PRDM16: variants seen among roughly 807,000 people sequenced by gnomAD.
The protein encoded by PRDM16 is PR/SET domain 16.
A neutral mutation model predicts 110.6 loss-of-function variants in PRDM16; 23 were observed. The ratio of observed to expected loss-of-function variants is 0.21; its 90% CI spans 0.15 to 0.29. The LOEUF (loss-of-function observed/expected upper bound fraction) is 0.29, where lower values mean the gene tolerates loss of function less well. Ranked by LOEUF, PRDM16 falls within the 10% of genes least tolerant of loss-of-function variation. The probability of loss-of-function intolerance (pLI) is 1.00; values close to 1 mark genes in which losing one functional copy is unlikely to be tolerated. For missense variants in PRDM16, 1,615 were observed against 1,794.3 expected (o/e 0.90, Z 1.81); for synonymous variants, 799 against 781.8 (o/e 1.02, Z -0.37).
At chr1:3,203,654 G>A (rs1219057117) in intron 2 of PRDM16, among the ~76,000 whole-genome samples, 3 of 152,178 alleles carry the variant, frequency 2.0e-5, no homozygotes, top group Non-Finnish European at 4.4e-5. Flanking sequence ...GAGGCCTCTG[G>A]CTTTATCTTC....
chr1:3,407,267 G>A (rs1204013009), intron 8 of PRDM16, among the ~76,000 whole-genome samples: 1 of 152,208 alleles, frequency 6.6e-6, no homozygotes, highest in Admixed American at 6.5e-5. Context: ...CCAAGCCCCA[G>A]CGTCCAGCCG....
At chr1:3,379,315 C>A (rs1569619598) in intron 3 of PRDM16, among the ~76,000 whole-genome samples, 1 of 14,644 alleles carries the variant, frequency 6.8e-5, no homozygotes. Context: ...CCCCTCCCAA[C>A]ACACCCCTCC....
chr1:3,331,522 A>G (rs1262766636), intron 3 of PRDM16, among the ~76,000 whole-genome samples: 1 of 152,198 alleles, frequency 6.6e-6, no homozygotes, highest in Non-Finnish European at 1.5e-5. Context: ...AGTAACTACT[A>G]CAAAGGGACA....
chr1:3,350,572 G>T lies in PRDM16; in HGVS notation c.439-34580G>T, dbSNP rs1211816408. Among the ~76,000 whole-genome samples the T allele has an allele frequency of 6.6e-6, 1 of 152,158 alleles. No individual in the cohort carries two copies. The highest frequency in any genetic ancestry group is 1.5e-5 in the Non-Finnish European group (1 of 68,024). On this transcript the variant is annotated intron_variant, in intron 3 of 16. Transcript: ENST00000270722. This position sits in a 1 kb window ranked among gnomAD's most constrained non-coding sequence, Gnocchi z 7.1. Reference sequence around the variant, plus strand: ...AGGACAAGGGGAGGGGACCAGGGTGGCAGGCAGCTGTGGGCGGGTGGAAAG... The same window carrying T: ...AGGACAAGGGGAGGGGACCAGGGTGTCAGGCAGCTGTGGGCGGGTGGAAAG...
intron 1 of PRDM16, among the ~76,000 whole-genome samples, chr1:3,136,262 T>G (rs1643436106): frequency 6.6e-6 from 1 of 152,182 alleles, no homozygotes; most frequent in African/African-American, 2.4e-5. Context: ...ACTTCCCAGC[T>G]GGCCAGCCCC....
intron 5 of PRDM16, among the ~76,000 whole-genome samples, chr1:3,396,862 C>T (rs1019633770): frequency 7.2e-5 from 11 of 152,214 alleles, no homozygotes; most frequent in Admixed American, 5.2e-4. Flanking sequence ...AGAAGGGCTT[C>T]GGGCAGTGGG....
In PRDM16 at chr1:3,186,375, G is replaced by C. The variant is rs752047886; in HGVS notation, c.288G>C (p.Leu96=). The change falls in exon 2 of 17, where the codon CTG becomes CTC. Residue 96 remains leucine, a synonymous_variant. Coordinates refer to ENST00000270722, the MANE Select transcript of PRDM16 (RefSeq NM_022114.4). Reference sequence around the variant, plus strand: ...AGTCCTCCATCCCAGGGGCTGGCCTGGGGGTCTGGGCCAAGAGGAAGATGG... The same window carrying C: ...AGTCCTCCATCCCAGGGGCTGGCCTCGGGGTCTGGGCCAAGAGGAAGATGG... ...LRESSIPGAG[L]GVWAKRKMEA... The C allele has an allele frequency of 6.2e-7, 1 of 1,611,180 alleles. No individual in the cohort carries two copies. Among genetic ancestry groups the C allele is most frequent in the Admixed American group, 1.7e-5 (1 of 59,812 alleles).
At position 3,437,302 on chromosome 1, in the gene PRDM16, G is replaced by A. The variant is rs74048477; in HGVS notation, c.*3491G>A. On this transcript the variant is annotated 3_prime_UTR_variant, in exon 17 of 17. Transcript: ENST00000270722. ...CCCTGGAAATTCCAAGGGCCCTGGC[G>A]TCCTCTGCCTTCCCCGCTTCCCCAT... 475 of 232,944 alleles carry A rather than the reference G, an allele frequency of 2.0e-3. 3 individuals carry two copies. The highest frequency in any genetic ancestry group is 9.5e-3 in the African/African-American group (431 of 45,416). The allele number at this position is 232,944 out of a possible 1,614,324, so 14.4% of individuals were successfully genotyped here. A position where few individuals can be genotyped will look rare whatever the true frequency, so the allele number is the denominator to read the frequency against.
intron 3 of PRDM16, among the ~76,000 whole-genome samples, chr1:3,273,368 C>T (rs1448615681): frequency 6.6e-6 from 1 of 152,302 alleles, no homozygotes; most frequent in East Asian, 1.9e-4. Context: ...CTCTTATGAT[C>T]CTACCCATGG....
rs548432754 is a variant in PRDM16 at position 3,438,154 on chromosome 1, C to T, written c.*4343C>T. On this transcript the variant is annotated 3_prime_UTR_variant, in exon 17 of 17. Transcript: ENST00000270722. ...AAGGAGGCTGGCGCTCGCCCCATGT[C>T]CCCCTTGATTGTAAATTGCTTCTGT... 1 of 205,774 alleles carries T rather than the reference C, an allele frequency of 4.9e-6. No homozygotes were observed. The highest frequency in any genetic ancestry group is 9.9e-6 in the Non-Finnish European group (1 of 100,756). 12.7% of individuals were successfully genotyped at this position (205,774 alleles called of 1,614,324 possible).
intron 1 of PRDM16, among the ~76,000 whole-genome samples, chr1:3,156,556 T>C (rs1420295872): frequency 6.6e-6 from 1 of 152,154 alleles, no homozygotes; most frequent in Non-Finnish European, 1.5e-5. Context: ...CTCCTCCTGG[T>C]AGAGGCAGGA....
At chr1:3,257,369 G>T (rs1433528875) in intron 3 of PRDM16, among the ~76,000 whole-genome samples, 1 of 152,180 alleles carries the variant, frequency 6.6e-6, no homozygotes, top group Non-Finnish European at 1.5e-5. Context: ...GCTGCTCTAG[G>T]CCGGGCACCA....
At chr1:3,363,249 C>T (rs1230525457) in intron 3 of PRDM16, among the ~76,000 whole-genome samples, 2 of 152,238 alleles carry the variant, frequency 1.3e-5, no homozygotes, top group South Asian at 2.1e-4. Flanking sequence ...CCTCTCAAGA[C>T]GGGTGTCCCA....
intron 3 of PRDM16, chr1:3,307,630 A>C (rs1367385370): frequency 6.6e-6 from 1 of 152,052 alleles, no homozygotes; most frequent in East Asian, 1.9e-4. Flanking sequence ...GCAAGGCTGA[A>C]CGTGGCCTGC....
chr1:3,137,124 C>G (rs1021857522), intron 1 of PRDM16, among the ~76,000 whole-genome samples: 2 of 152,206 alleles, frequency 1.3e-5, no homozygotes, highest in Non-Finnish European at 2.9e-5. Context: ...AGTCCAGGCC[C>G]AGCCTGGAGC....
At chr1:3,099,002 G>C (rs538236073) in intron 1 of PRDM16, among the ~76,000 whole-genome samples, 115 of 152,346 alleles carry the variant, frequency 7.5e-4, no homozygotes, top group African/African-American at 2.7e-3. Context: ...TCCATCCCTG[G>C]CTGAGTAGGA....
chr1:3,335,007 T>C (rs905060487), intron 3 of PRDM16, among the ~76,000 whole-genome samples: 1 of 151,654 alleles, frequency 6.6e-6, no homozygotes, highest in South Asian at 2.1e-4. Flanking sequence ...AGAGCCAGAG[T>C]CCCCAGCGCC....
intron 3 of PRDM16, among the ~76,000 whole-genome samples, chr1:3,335,585 C>T (rs1553164983): frequency 7.2e-6 from 1 of 138,640 alleles, no homozygotes; most frequent in Non-Finnish European, 1.5e-5. Flanking sequence ...TGAAATCTAA[C>T]CTTTGGCTGA....
chr1:3,185,040 A>G (rs1644252215), intron 1 of PRDM16, among the ~76,000 whole-genome samples: 1 of 152,108 alleles, frequency 6.6e-6, no homozygotes, highest in African/African-American at 2.4e-5. Flanking sequence ...GCAGACGGAC[A>G]TTTGGGCTGT....
Sources: allele counts gnomAD v4.1 joint callset (sites outside exome capture counted in the v4.1 genomes callset), GRCh38; gene constraint gnomAD v4.1.1; non-coding constraint Gnocchi (gnomAD v3.1); transcripts MANE v1.5; gene names NCBI Gene and HGNC (gene_info 2026-07-23, HGNC 2026-07-21).